SECISBP2: variants seen among roughly 807,000 people sequenced by gnomAD.
SECISBP2 encodes SECIS binding protein 2, also known as selenocysteine insertion sequence-binding protein 2.
Under a neutral mutation model 98.2 loss-of-function variants are expected in SECISBP2, and 96 were observed. The ratio of observed to expected loss-of-function variants is 0.98; its 90% CI spans 0.83 to 1.16. The LOEUF is 1.16. Ranked by LOEUF, SECISBP2 falls within the 50% of genes most tolerant of loss-of-function variation. The pLI is 0.00. For synonymous variants in SECISBP2, 407 were observed against 370.2 expected (o/e 1.10, Z -1.14); for missense variants, 1,046 against 1,022.9 (o/e 1.02, Z -0.31).
chr9:89,325,636 A>C lies in SECISBP2; in HGVS notation c.392A>C (p.Asn131Thr). The C allele has an allele frequency of 6.2e-7, 1 of 1,614,194 alleles. No homozygotes were observed. The highest frequency in any genetic ancestry group is 8.5e-7 in the Non-Finnish European group (1 of 1,180,020). Residue 131 changes from asparagine to threonine, a missense_variant, in exon 3 of 17, where the codon AAC (asparagine) becomes ACC (threonine). By Grantham distance (65) the Asn-to-Thr change is moderately conservative. Coordinates refer to ENST00000375807, the MANE Select transcript of SECISBP2 (RefSeq NM_024077.5). Reference sequence around the variant, plus strand: ...CAAACAGTGAAGCATCGAAATGAGAACACATGCCCTCTCCCACAAGAAATG... The same window carrying C: ...CAAACAGTGAAGCATCGAAATGAGACCACATGCCCTCTCCCACAAGAAATG... The part of the protein sequence containing the change: ...GFQTVKHRNE[N>T]TCPLPQEMKA...
chr9:89,358,067 T>C lies in SECISBP2; in HGVS notation c.2337T>C (p.Asn779=), dbSNP rs1832369256. 1 of 1,613,780 alleles carries C rather than the reference T, an allele frequency of 6.2e-7. No individual in the cohort carries two copies. Residue 779 remains asparagine, a synonymous_variant, in exon 16 of 17, where the codon AAT becomes AAC. Coordinates refer to ENST00000375807, the MANE Select transcript of SECISBP2 (RefSeq NM_024077.5). ...AGGCGTACAAGACCATGCTGGAGAA[T>C]GTGCAGCAGGAGCTGGTGGGAGAGC... is the stretch of plus-strand genomic sequence containing the variant. ...ARQAYKTMLE[N]VQQELVGEPR... is the part of the protein sequence containing the mutation.
chr9:89,363,578 A>AC, downstream of SECISBP2: 1 of 1,609,578 alleles, frequency 6.2e-7, no homozygotes, highest in Non-Finnish European at 8.5e-7. Context: ...CCTTTATGGC[A>AC]CCCTTGATGC....
chr9:89,330,289 C>G (rs1036874249), intron 5 of SECISBP2: 5 of 152,144 alleles, frequency 3.3e-5, no homozygotes, highest in African/African-American at 1.2e-4. Context: ...TTTTAGTCCA[C>G]CAAGTTGAGG....
intron 8 of SECISBP2, among the ~76,000 whole-genome samples, 166 bp downstream of exon 8, chr9:89,338,746 T>A (rs1463948398): frequency 6.6e-6 from 1 of 152,230 alleles, no homozygotes; most frequent in African/African-American, 2.4e-5. Context: ...CTCTTCATTT[T>A]GGCTTCCCAG....
chr9:89,349,729 G>A (rs2131975787), intron 12 of SECISBP2, 47 bp from the exon 13 acceptor site: 8 of 1,609,646 alleles, frequency 5.0e-6, no homozygotes, highest in Non-Finnish European at 5.1e-6. Flanking sequence ...CTCAGTGTGT[G>A]CACTGGGCCT....
At chr9:89,356,411 T>TC (rs1282471165) in intron 14 of SECISBP2, 1 of 152,216 alleles carries the variant, frequency 6.6e-6, no homozygotes, top group Non-Finnish European at 1.5e-5. Flanking sequence ...TCATTTTGGA[T>TC]CATTCTATGC....
At position 89,319,801 on chromosome 9, in the gene SECISBP2, T is replaced by C; in HGVS notation, c.182+4T>C. ...TTCAGGAACCACCAGTGACAGAGTA[T>C]GTATCTTTCTAAAAGTCTTACCTAG... is the stretch of plus-strand genomic sequence containing the variant. On this transcript the variant is annotated splice_donor_region_variant and intron_variant, in intron 2 of 16. Transcript: ENST00000375807. 1 of 1,613,752 alleles carries C rather than the reference T, an allele frequency of 6.2e-7. No homozygotes were observed. The highest frequency in any genetic ancestry group is 8.5e-7 in the Non-Finnish European group (1 of 1,179,864).
chr9:89,342,858 T>C (rs1028519252), intron 10 of SECISBP2, among the ~76,000 whole-genome samples: 2 of 152,236 alleles, frequency 1.3e-5, no homozygotes, highest in Non-Finnish European at 2.9e-5. Context: ...TACACAACAT[T>C]GTGAATATAA....
At chr9:89,334,198 G>A in intron 6 of SECISBP2, 1 of 1,201,520 alleles carries the variant, frequency 8.3e-7, no homozygotes. Context: ...TTAATTCTGT[G>A]TGCTTGCCAC....
downstream of SECISBP2, chr9:89,363,393 C>G: frequency 6.2e-7 from 1 of 1,604,326 alleles, no homozygotes; most frequent in South Asian, 1.1e-5. Flanking sequence ...GCCCCTGGCT[C>G]CAGCCCTCCT....
chr9:89,351,990 T>C (rs1831346943), intron 14 of SECISBP2, among the ~76,000 whole-genome samples: 1 of 152,198 alleles, frequency 6.6e-6, no homozygotes, highest in African/African-American at 2.4e-5. Context: ...TGTCAGCTGT[T>C]AGCCACACTG....
At chr9:89,364,844 C>T in the SECISBP2 span, 2 of 151,866 alleles carry the variant, frequency 1.3e-5, no homozygotes, top group Admixed American at 1.3e-4. Flanking sequence ...CAGCCTCATC[C>T]CAGGGCAAGA....
rs1388157179 is a variant in SECISBP2, at chr9:89,319,898, G to T, written c.182+101G>T. On this transcript the variant is annotated intron_variant, in intron 2 of 16. Transcript: ENST00000375807. ...GCAGTTACTGCACTAAAGTTCTGCA[G>T]ATGATGAGAGAATGCTCTTCAACCA... is the stretch of plus-strand genomic sequence containing the variant. 4 of 1,215,432 alleles carry T rather than the reference G, an allele frequency of 3.3e-6. No individual in the cohort carries two copies. In the African/African-American group the frequency reaches 6.0e-5, roughly 18 times the overall value. The allele number at this position is 1,215,432 out of a possible 1,614,324, so 75.3% of individuals were successfully genotyped here.
rs745462808 is a variant in SECISBP2 at position 89,325,921 on chromosome 9, AC to A, written c.458del (p.Thr153SerfsTer20). 42 of 1,613,974 alleles carry A rather than the reference AC, an allele frequency of 2.6e-5. No individual in the cohort carries two copies. Among genetic ancestry groups the A allele is most frequent in the East Asian group, 6.7e-5 (3 of 44,892 alleles). The stretch of plus-strand genomic sequence containing the variant: ...GAAGAAAACCTATGATGAGAAAAAA[AC>A]GTATGATCAGCAAAAGTTTGACAGT... ...FKKKTYDEKK[T>X]YDQQKFDSER... On this transcript the variant is annotated frameshift_variant, in exon 4 of 17. Coordinates refer to ENST00000375807, the MANE Select transcript of SECISBP2 (RefSeq NM_024077.5). LOFTEE classifies it high-confidence loss of function.
At chr9:89,350,122 C>T (rs982535753) in intron 13 of SECISBP2, among the ~76,000 whole-genome samples, 193 bp downstream of exon 13, 6 of 152,216 alleles carry the variant, frequency 3.9e-5, no homozygotes. Flanking sequence ...TCTGCTTCTA[C>T]TGAGGTTCTT....
chr9:89,338,933 C>A (rs1416690782), intron 8 of SECISBP2, among the ~76,000 whole-genome samples: 1 of 150,570 alleles, frequency 6.6e-6, no homozygotes, highest in Non-Finnish European at 1.5e-5. Context: ...TGCAGGGCCT[C>A]CTTTTCTATC....
At chr9:89,327,151 G>C (rs886305668) in intron 4 of SECISBP2, among the ~76,000 whole-genome samples, 1 of 150,878 alleles carries the variant, frequency 6.6e-6, no homozygotes, top group Non-Finnish European at 1.5e-5. Context: ...GAGACAGAGC[G>C]AGACTCCGTC....
At chr9:89,363,530 G>A (rs1389558485), downstream of SECISBP2, 4 of 1,613,884 alleles carry the variant, frequency 2.5e-6, no homozygotes, top group South Asian at 4.4e-5. Context: ...GGTCACTTCT[G>A]GAAAACAAGC....
chr9:89,333,134 G>T, intron 6 of SECISBP2, 148 bp downstream of exon 6: 1 of 712,654 alleles, frequency 1.4e-6, no homozygotes, highest in Non-Finnish European at 2.5e-6. Flanking sequence ...TGTTAGTTTA[G>T]AAAGTTAAGT....
Sources: gnomAD v4.1 joint callset for allele counts (sites outside exome capture counted in the v4.1 genomes callset) on GRCh38, gnomAD v4.1.1 for gene constraint, MANE v1.5 for transcripts, NCBI Gene and HGNC (gene_info 2026-07-23, HGNC 2026-07-21) for gene names.